Variants in CCDC171 observed in about 807,000 individuals in gnomAD.
CCDC171 encodes the protein coiled-coil domain containing 171.
CCDC171 carries 177 observed loss-of-function variants against 168.2 expected under a neutral mutation model. That is an observed-to-expected ratio of 1.05 (90% CI 0.93 to 1.19). The LOEUF (loss-of-function observed/expected upper bound fraction) is 1.19. CCDC171 is among the 50% of genes most tolerant of loss of function. The pLI, the probability that CCDC171 is intolerant of heterozygous loss-of-function variation, is 0.00. For missense variants in CCDC171, 1,991 were observed against 1,539.0 expected (o/e 1.29, Z -4.91); for synonymous variants, 687 against 540.8 (o/e 1.27, Z -3.75).
rs368306228 is a variant in CCDC171, at chr9:15,653,327, A to G, written c.823-3800A>G. Reference sequence around the variant, plus strand: ...GCTAATTTTTGAATTTTTTTTGTAGAATTGGTGCTTCACCATGTTGCCCAG... The same window carrying G: ...GCTAATTTTTGAATTTTTTTTGTAGGATTGGTGCTTCACCATGTTGCCCAG... On this transcript the variant is annotated intron_variant, in intron 7 of 25. Transcript: ENST00000380701. Among the ~76,000 whole-genome samples, 17 of 152,024 alleles carry G rather than the reference A, an allele frequency of 1.1e-4. No homozygotes were observed. The East Asian group carries it at 1.9e-3, about 17-fold the overall frequency.
intron 3 of CCDC171, among the ~76,000 whole-genome samples, chr9:16,011,990 G>A (rs1717248994): frequency 6.6e-6 from 1 of 152,202 alleles, no homozygotes. Context: ...AGTGATGAGA[G>A]GGGAAGAGAT....
At chr9:16,098,861 C>T in the CCDC171 span, among the ~76,000 whole-genome samples, 112 of 152,280 alleles carry the variant, frequency 7.4e-4, no homozygotes, top group African/African-American at 2.5e-3. Context: ...AATGATGGTA[C>T]AGTGTGCTGT....
At chr9:15,681,995 A>G (rs569803050) in intron 10 of CCDC171, among the ~76,000 whole-genome samples, 93 of 152,194 alleles carry the variant, frequency 6.1e-4, no homozygotes, top group Non-Finnish European at 9.0e-4. Context: ...TAAATTACTA[A>G]CAGGTAATTT....
chr9:15,571,322 G>T (rs778154460), intron 2 of CCDC171, among the ~76,000 whole-genome samples: 2 of 152,140 alleles, frequency 1.3e-5, no homozygotes, highest in Non-Finnish European at 2.9e-5. Context: ...GGAGAACCCA[G>T]TCTCTTCCAA....
intron 3 of CCDC171, among the ~76,000 whole-genome samples, chr9:16,003,545 C>T (rs1037891388): frequency 6.6e-6 from 1 of 152,162 alleles, no homozygotes; most frequent in Non-Finnish European, 1.5e-5. Flanking sequence ...TAACATTTAC[C>T]TACCTGATAA....
chr9:15,959,145 A>G (rs911470221), intron 25 of CCDC171, among the ~76,000 whole-genome samples: 2 of 152,150 alleles, frequency 1.3e-5, no homozygotes, highest in African/African-American at 4.8e-5. Flanking sequence ...GCCAATAGCT[A>G]TAATTTGCCA....
At chr9:15,676,425 G>A (rs1483306036) in intron 9 of CCDC171, among the ~76,000 whole-genome samples, 1 of 151,752 alleles carries the variant, frequency 6.6e-6, no homozygotes, top group African/African-American at 2.4e-5. Flanking sequence ...TTGGTGGTGA[G>A]GAGCTGTGAT....
At position 15,724,424 on chromosome 9, in the gene CCDC171, T is replaced by C. The variant is rs530065330; in HGVS notation, c.1492-352T>C. 2.2e-4 allele frequency among the ~76,000 whole-genome samples: 33 copies of C among 152,330 alleles called. 1 individual carries two copies. The highest frequency in any genetic ancestry group is 8.5e-4 in the Admixed American group (13 of 15,304). On this transcript the variant is annotated intron_variant, in intron 13 of 25. Transcript: ENST00000380701. ...TGTCATTGGAAAGTAAATGTTCTTA[T>C]GTTAAATGTAAGATATTTATTTTAA...
intron 25 of CCDC171, among the ~76,000 whole-genome samples, chr9:15,943,068 T>A (rs1010568451): frequency 1.3e-5 from 2 of 151,982 alleles, no homozygotes; most frequent in Non-Finnish European, 2.9e-5. Flanking sequence ...TGATGTTACT[T>A]TTCCCTTTGA....
At chr9:16,074,990 G>A in the CCDC171 span, among the ~76,000 whole-genome samples, 1 of 152,162 alleles carries the variant, frequency 6.6e-6, no homozygotes, top group Non-Finnish European at 1.5e-5. Flanking sequence ...TCCCAGTTTC[G>A]TGCTTGTTAC....
At chr9:15,934,455 C>T (rs1826884447) in intron 25 of CCDC171, among the ~76,000 whole-genome samples, 1 of 149,688 alleles carries the variant, frequency 6.7e-6, no homozygotes, top group Non-Finnish European at 1.5e-5. Context: ...CAAATCAAAA[C>T]CACAGTGAGA....
chr9:15,576,069 G>C (rs937380650), intron 3 of CCDC171, among the ~76,000 whole-genome samples: 21 of 146,642 alleles, frequency 1.4e-4, no homozygotes, highest in Admixed American at 1.3e-3. Context: ...TCCAGCTTCG[G>C]CAACAGAGCG....
At chr9:15,906,107 G>A (rs1725972567) in intron 24 of CCDC171, among the ~76,000 whole-genome samples, 1 of 152,192 alleles carries the variant, frequency 6.6e-6, no homozygotes, top group South Asian at 2.1e-4. Flanking sequence ...AGGAGGAGCT[G>A]TTACCATTCC....
chr9:15,645,909 A>G (rs913624745), intron 7 of CCDC171, among the ~76,000 whole-genome samples: 7 of 152,092 alleles, frequency 4.6e-5, no homozygotes, highest in Admixed American at 1.3e-4. Context: ...CCACAAAGAT[A>G]CTCCTCGAGA....
chr9:16,021,757 A>C (rs542304254), intron 4 of CCDC171, among the ~76,000 whole-genome samples: 1 of 152,298 alleles, frequency 6.6e-6, no homozygotes, highest in South Asian at 2.1e-4. Context: ...ATGTGAGCAA[A>C]AGTCTTAGAG....
At chr9:15,704,805 A>G (rs1417925673) in intron 11 of CCDC171, among the ~76,000 whole-genome samples, 1 of 152,098 alleles carries the variant, frequency 6.6e-6, no homozygotes, top group Admixed American at 6.6e-5. Context: ...AGAGGATTTA[A>G]CTTGATCTCC....
chr9:15,555,954 A>G (rs553108068), intron 1 of CCDC171, among the ~76,000 whole-genome samples: 4 of 152,176 alleles, frequency 2.6e-5, no homozygotes, highest in Admixed American at 1.3e-4. Context: ...TGTCCTTGCG[A>G]TATTTTGCTC....
the CCDC171 span, among the ~76,000 whole-genome samples, chr9:16,068,172 CAGAG>C: frequency 6.8e-6 from 1 of 148,112 alleles, no homozygotes; most frequent in African/African-American, 2.6e-5. Flanking sequence ...AACAGACAAA[CAGAG>C]AGCCAAATCA....
chr9:15,579,217 T>C (rs1049692069), intron 4 of CCDC171, among the ~76,000 whole-genome samples, 194 bp downstream of exon 4: 7 of 152,254 alleles, frequency 4.6e-5, no homozygotes, highest in Non-Finnish European at 8.8e-5. Flanking sequence ...CTACTTTACA[T>C]TGATTTTTTT....
Sources: gnomAD v4.1 joint callset for allele counts (sites outside exome capture counted in the v4.1 genomes callset) on GRCh38, gnomAD v4.1.1 for gene constraint, MANE v1.5 for transcripts, NCBI Gene and HGNC (gene_info 2026-07-23, HGNC 2026-07-21) for gene names.